TBC1D22A: variants seen among roughly 807,000 people sequenced by gnomAD.
TBC1D22A encodes the protein TBC1 domain family member 22A, also known as putative GTPase activator.
A neutral mutation model predicts 60.2 loss-of-function variants in TBC1D22A; 38 were observed. That is an observed-to-expected ratio of 0.63 (90% CI 0.49 to 0.83). The LOEUF (loss-of-function observed/expected upper bound fraction) is 0.83. Ranked by LOEUF, TBC1D22A falls within the 40% of genes least tolerant of loss-of-function variation. The probability of loss-of-function intolerance (pLI) is 0.00; values close to 1 mark genes in which losing one functional copy is unlikely to be tolerated. For synonymous variants in TBC1D22A, 302 were observed against 281.7 expected (o/e 1.07, Z -0.72); for missense variants, 628 against 701.0 (o/e 0.90, Z 1.18).
intron 11 of TBC1D22A, among the ~76,000 whole-genome samples, chr22:47,094,564 A>G (rs1302101454): frequency 1.3e-5 from 2 of 152,206 alleles, no homozygotes; most frequent in African/African-American, 4.8e-5. Context: ...AGTCCCTAAG[A>G]TAAATGCCCT....
intron 12 of TBC1D22A, among the ~76,000 whole-genome samples, chr22:47,131,338 G>A (rs2066671274): frequency 3.3e-5 from 5 of 152,220 alleles, no homozygotes; most frequent in African/African-American, 7.2e-5. Context: ...GGTGGAGTCC[G>A]GGTTCTTCCA....
At position 46,793,795 on chromosome 22, in the gene TBC1D22A, C is replaced by G; in HGVS notation, c.414C>G (p.Leu138=). 3 of 1,598,390 alleles carry G rather than the reference C, an allele frequency of 1.9e-6. No homozygotes were observed. Among genetic ancestry groups the G allele is most frequent in the Non-Finnish European group, 2.6e-6 (3 of 1,173,156 alleles). The change falls in exon 3 of 13, where the codon CTC becomes CTG. Residue 138 remains leucine, a synonymous_variant. Transcript: ENST00000337137. ...CGCCCTCACCCCCCAGCGGCGACCT[C>G]CGGCTGGTGAAGTCGGTCAGTGAGA... The part of the protein sequence containing the change: ...AEPPSPPSGD[L]RLVKSVSESH...
chr22:46,767,877 C>T (rs1008451442), intron 1 of TBC1D22A, among the ~76,000 whole-genome samples: 1 of 151,828 alleles, frequency 6.6e-6, no homozygotes, highest in African/African-American at 2.4e-5. Flanking sequence ...AGGGGAGAGT[C>T]GTGGGGTGCG....
chr22:46,890,034 A>G (rs1371692897), intron 5 of TBC1D22A, among the ~76,000 whole-genome samples: 1 of 152,160 alleles, frequency 6.6e-6, no homozygotes, highest in Non-Finnish European at 1.5e-5. Context: ...AGATTCAACC[A>G]ACTGTGCTTC....
chr22:47,005,971 C>T lies in TBC1D22A; in HGVS notation c.1201+8262C>T, dbSNP rs1175116083. On this transcript the variant is annotated intron_variant, in intron 10 of 12. Coordinates refer to ENST00000337137, the MANE Select transcript of TBC1D22A (RefSeq NM_014346.5). ...ACACACCCCTACACATGCCTATACA[C>T]ACACCTACACACAGTCCCGTATACA... Among the ~76,000 whole-genome samples, 3 of 151,978 alleles carry T rather than the reference C, an allele frequency of 2.0e-5. No homozygotes were observed. In the East Asian group the frequency reaches 5.8e-4, roughly 29 times the overall value.
chr22:47,108,430 G>C (rs1168228915), intron 11 of TBC1D22A, among the ~76,000 whole-genome samples: 4 of 152,298 alleles, frequency 2.6e-5, no homozygotes, highest in Admixed American at 6.5e-5. Flanking sequence ...CACCCTGTGT[G>C]GAAAAGCCAG....
chr22:46,897,652 G>GT (rs34529641), intron 7 of TBC1D22A, among the ~76,000 whole-genome samples: 1,666 of 111,470 alleles, frequency 0.015, 51 homozygotes, highest in African/African-American at 0.054. Context: ...TTTTTTTTGT[G>GT]TTTTTTTTTT....
intron 11 of TBC1D22A, among the ~76,000 whole-genome samples, chr22:47,101,726 A>T (rs1390003499): frequency 6.6e-6 from 1 of 152,214 alleles, no homozygotes; most frequent in Non-Finnish European, 1.5e-5. Flanking sequence ...GTCACAGGAC[A>T]GTGGGGGCAC....
chr22:46,801,734 G>T (rs1015807424), intron 4 of TBC1D22A, among the ~76,000 whole-genome samples: 1 of 152,242 alleles, frequency 6.6e-6, no homozygotes, highest in Non-Finnish European at 1.5e-5. Context: ...CTTTCGAACG[G>T]TAGGACAGAA....
chr22:46,945,418 T>C (rs1436700090), intron 8 of TBC1D22A, among the ~76,000 whole-genome samples: 3 of 152,208 alleles, frequency 2.0e-5, no homozygotes, highest in Admixed American at 1.3e-4. Flanking sequence ...GAACTTTCCT[T>C]GTTATTATGT....
At chr22:46,899,446 CA>C (rs1282599306) in intron 7 of TBC1D22A, among the ~76,000 whole-genome samples, 15,084 of 131,212 alleles carry the variant, frequency 0.11, 1,139 homozygotes, top group African/African-American at 0.25. Flanking sequence ...TACTTCGTCT[CA>C]AAAAAAAAAA....
chr22:47,167,533 T>C (rs1434410979), intron 12 of TBC1D22A, among the ~76,000 whole-genome samples: 2 of 152,200 alleles, frequency 1.3e-5, no homozygotes, highest in East Asian at 3.9e-4. Context: ...TCTCGCAGTT[T>C]GGCAAGTTCT....
intron 11 of TBC1D22A, among the ~76,000 whole-genome samples, chr22:47,041,549 C>A (rs1421202712): frequency 6.6e-6 from 1 of 152,194 alleles, no homozygotes; most frequent in Non-Finnish European, 1.5e-5. Flanking sequence ...GATCTGGGTC[C>A]TTTAAGGAAA....
intron 12 of TBC1D22A, among the ~76,000 whole-genome samples, chr22:47,132,282 G>A (rs959308417): frequency 3.9e-5 from 6 of 152,072 alleles, no homozygotes; most frequent in African/African-American, 7.2e-5. Context: ...TTCTGGCCCC[G>A]TGCCACCCCG....
rs61223271 is a variant in TBC1D22A at position 46,891,437 on chromosome 22, T to C, written c.837+43T>C. On this transcript the variant is annotated intron_variant, in intron 6 of 12. Transcript: ENST00000337137. ...TTTTCGTATGTTGCCTGATGTACTTTGCTTTGCTGTGATTTATAGGAGGAA... is the reference window on the plus strand; with the variant it reads ...TTTTCGTATGTTGCCTGATGTACTTCGCTTTGCTGTGATTTATAGGAGGAA... The C allele has an allele frequency of 8.8e-3, 13,641 of 1,551,052 alleles. 889 individuals carry two copies. The African/African-American group carries it at 0.15, about 17-fold the overall frequency.
At position 47,134,234 on chromosome 22, in the gene TBC1D22A, C is replaced by T. The variant is rs1386288646; in HGVS notation, c.1425+22631C>T. The stretch of plus-strand genomic sequence containing the variant: ...GTTTGATATCTAAGGCAGATAAACT[C>T]GGAGAAGCTCATCCGCTCAGTCCCT... On this transcript the variant is annotated intron_variant, in intron 12 of 12. Transcript: ENST00000337137. Among the ~76,000 whole-genome samples the T allele has an allele frequency of 3.3e-5, 5 of 152,364 alleles. 1 individual carries two copies. Among genetic ancestry groups the T allele is most frequent in the East Asian group, 1.9e-4 (1 of 5,188 alleles).
intron 8 of TBC1D22A, among the ~76,000 whole-genome samples, chr22:46,945,862 C>T (rs713783): frequency 0.056 from 8,499 of 152,316 alleles, 351 homozygotes; most frequent in Non-Finnish European, 0.088. Flanking sequence ...AAATAAATGG[C>T]AGTGAGCTTC....
intron 8 of TBC1D22A, among the ~76,000 whole-genome samples, chr22:46,940,899 G>C (rs1189064215): frequency 7.4e-6 from 1 of 135,178 alleles, no homozygotes; most frequent in Non-Finnish European, 1.6e-5. Context: ...GGAGGCTGGG[G>C]CACTAGCACA....
chr22:46,796,218 C>T (rs530274863), intron 3 of TBC1D22A, among the ~76,000 whole-genome samples: 1 of 152,244 alleles, frequency 6.6e-6, no homozygotes, highest in African/African-American at 2.4e-5. Context: ...GTCTATGTCC[C>T]CACTTTAGCA....
Sources: gnomAD v4.1 joint callset for allele counts (sites outside exome capture counted in the v4.1 genomes callset) on GRCh38, gnomAD v4.1.1 for gene constraint, MANE v1.5 for transcripts, NCBI Gene and HGNC (gene_info 2026-07-23, HGNC 2026-07-21) for gene names.